The following MEF2A variants were observed in gnomAD, a reference collection of about 807,000 sequenced individuals.
MEF2A encodes the protein myocyte-specific enhancer factor 2A.
Under a neutral mutation model 55.8 loss-of-function variants are expected in MEF2A, and 28 were observed. That is an observed-to-expected ratio of 0.50 (90% CI 0.37 to 0.69). MEF2A has a LOEUF of 0.69. Among genes scored for constraint, MEF2A ranks in the 30% least tolerant of loss-of-function variants. MEF2A has a pLI of 0.00. For synonymous variants in MEF2A, 239 were observed against 227.1 expected (o/e 1.05, Z -0.47); for missense variants, 528 against 626.2 (o/e 0.84, Z 1.67).
chr15:99,709,672 C>G (rs1319380321), intron 10 of MEF2A, among the ~76,000 whole-genome samples: 1 of 152,238 alleles, frequency 6.6e-6, no homozygotes, highest in African/African-American at 2.4e-5. Flanking sequence ...TTTGCCACCT[C>G]TCTTTGGAAC....
intron 1 of MEF2A, among the ~76,000 whole-genome samples, chr15:99,585,900 G>C (rs1351819715): frequency 1.3e-5 from 2 of 151,638 alleles, no homozygotes; most frequent in Non-Finnish European, 1.5e-5. Context: ...GTTCTTCGGT[G>C]GTATCTTAAA....
At chr15:99,624,030 T>C (rs551944650) in intron 2 of MEF2A, among the ~76,000 whole-genome samples, 2 of 152,184 alleles carry the variant, frequency 1.3e-5, no homozygotes, top group Middle Eastern at 3.2e-3. Flanking sequence ...GATCTTGAAC[T>C]CCTGACCTCA....
At chr15:99,632,828 A>G (rs958503440) in intron 2 of MEF2A, 150 bp from the exon 3 acceptor site, 1 of 260,702 alleles carries the variant, frequency 3.8e-6, no homozygotes, top group Non-Finnish European at 7.3e-6. Flanking sequence ...AAAGTTAACA[A>G]GACTTCAACT....
At chr15:99,638,728 T>A (rs1319082133) in intron 3 of MEF2A, among the ~76,000 whole-genome samples, 1 of 152,196 alleles carries the variant, frequency 6.6e-6, no homozygotes, top group African/African-American at 2.4e-5. Flanking sequence ...TAGTTATCTT[T>A]AAGTTCATGT....
At chr15:99,703,308 G>T (rs1324629676) in intron 8 of MEF2A, 54 bp from the exon 9 acceptor site, 2 of 1,585,298 alleles carry the variant, frequency 1.3e-6, no homozygotes, top group East Asian at 4.5e-5. Context: ...TATTTTGTTT[G>T]TGAGTACCAA....
At chr15:99,614,967 G>T (rs1217861635) in intron 2 of MEF2A, among the ~76,000 whole-genome samples, 1 of 152,110 alleles carries the variant, frequency 6.6e-6, no homozygotes, top group Non-Finnish European at 1.5e-5. Flanking sequence ...TTAAAGGCTT[G>T]GGCTTTTAAG....
In MEF2A at chr15:99,603,437, A is replaced by G. The variant is rs561682115; in HGVS notation, c.-143+4926A>G. 2.7e-5 allele frequency among the ~76,000 whole-genome samples: 4 copies of G among 148,462 alleles called. No homozygotes were observed. In the South Asian group the frequency reaches 8.5e-4, roughly 31 times the overall value. On this transcript the variant is annotated intron_variant, in intron 2 of 11. Coordinates refer to ENST00000557942, the MANE Select transcript of MEF2A (RefSeq NM_001319206.4). ...ACCAAGGCTGGAGTGCAGTGGCGTG[A>G]TCTTGCCTCACTACAACCTCCACCT...
At chr15:99,609,248 T>C (rs184000537) in intron 2 of MEF2A, among the ~76,000 whole-genome samples, 1 of 152,244 alleles carries the variant, frequency 6.6e-6, no homozygotes, top group Non-Finnish European at 1.5e-5. Flanking sequence ...TTTTTCTCAA[T>C]GCTGTGTGTA....
intron 2 of MEF2A, among the ~76,000 whole-genome samples, chr15:99,613,375 T>G (rs1267642484): frequency 6.6e-6 from 1 of 152,224 alleles, no homozygotes; most frequent in Non-Finnish European, 1.5e-5. Flanking sequence ...TAGTTATTAT[T>G]GTTTTATGCA....
At chr15:99,608,020 C>T (rs751725287) in intron 2 of MEF2A, among the ~76,000 whole-genome samples, 3 of 152,114 alleles carry the variant, frequency 2.0e-5, no homozygotes, top group African/African-American at 7.2e-5. Flanking sequence ...CACCGAAAAT[C>T]AAATTATAAT....
rs2045879053 is a variant in MEF2A at position 99,645,857 on chromosome 15, C to T, written c.258+93C>T. On this transcript the variant is annotated intron_variant, in intron 4 of 11. Coordinates refer to ENST00000557942, the MANE Select transcript of MEF2A (RefSeq NM_001319206.4). Reference sequence around the variant, plus strand: ...GTCAGAATGACTTGTACATCTAAAACATAAATTAGGTGTATATGTATCTTT... The same window carrying T: ...GTCAGAATGACTTGTACATCTAAAATATAAATTAGGTGTATATGTATCTTT... The T allele has an allele frequency of 6.8e-6, 6 of 883,666 alleles. 1 individual carries two copies. The South Asian group carries it at 7.7e-5, about 11-fold the overall frequency. The allele number at this position is 883,666 out of a possible 1,614,324, so 54.7% of individuals were successfully genotyped here.
chr15:99,567,306 G>A (rs147469740), intron 1 of MEF2A, among the ~76,000 whole-genome samples: 2 of 152,260 alleles, frequency 1.3e-5, no homozygotes, highest in Non-Finnish European at 2.9e-5. Flanking sequence ...ATTTTTTCGG[G>A]TTTTTAGCAC....
intron 7 of MEF2A, among the ~76,000 whole-genome samples, chr15:99,689,284 C>T (rs1029277424): frequency 3.3e-5 from 5 of 152,130 alleles, no homozygotes; most frequent in South Asian, 2.1e-4. Flanking sequence ...GTGGTGAAAA[C>T]GGGGCATTAG....
At chr15:99,694,099 A>G (rs1202713612) in intron 8 of MEF2A, among the ~76,000 whole-genome samples, 2 of 152,178 alleles carry the variant, frequency 1.3e-5, no homozygotes, top group East Asian at 3.8e-4. Flanking sequence ...ATACCACATT[A>G]TATTTAGCAA....
intron 10 of MEF2A, among the ~76,000 whole-genome samples, chr15:99,708,127 G>A (rs868081922): frequency 2.0e-5 from 3 of 152,226 alleles, no homozygotes; most frequent in South Asian, 2.1e-4. Context: ...CTGTTTCGAC[G>A]CATTGATCAC....
chr15:99,638,062 A>G (rs926070129), intron 3 of MEF2A, among the ~76,000 whole-genome samples: 6 of 152,146 alleles, frequency 3.9e-5, no homozygotes, highest in South Asian at 2.1e-4. Flanking sequence ...GGACATTTGT[A>G]TATCTTCCTT....
chr15:99,683,256 G>A (rs2053574287), intron 7 of MEF2A, among the ~76,000 whole-genome samples: 1 of 152,174 alleles, frequency 6.6e-6, no homozygotes, highest in Non-Finnish European at 1.5e-5. Flanking sequence ...ATAACCTCAT[G>A]AGGTTAACTG....
chr15:99,625,428 T>C (rs1272359076), intron 2 of MEF2A, among the ~76,000 whole-genome samples: 2 of 152,128 alleles, frequency 1.3e-5, no homozygotes, highest in Non-Finnish European at 2.9e-5. Flanking sequence ...TTAAAACAGA[T>C]ATTTATACTC....
At chr15:99,690,775 G>T in intron 8 of MEF2A, 1 of 413,456 alleles carries the variant, frequency 2.4e-6, no homozygotes, top group South Asian at 1.8e-5. Context: ...ATAGAGAATA[G>T]AATGATAGCA....
Sources: allele counts gnomAD v4.1 joint callset (sites outside exome capture counted in the v4.1 genomes callset), GRCh38; gene constraint gnomAD v4.1.1; transcripts MANE v1.5; gene names NCBI Gene and HGNC (gene_info 2026-07-23, HGNC 2026-07-21).